Variants in MARK1 observed in about 807,000 individuals in gnomAD.
MARK1 encodes the protein microtubule affinity regulating kinase 1.
In MARK1, 40 loss-of-function variants were observed where a neutral mutation model predicts 96.3. The observed-to-expected ratio is 0.42, with a 90% CI of 0.32 to 0.54. The LOEUF (loss-of-function observed/expected upper bound fraction) is 0.54. Ranked by LOEUF, MARK1 falls within the 20% of genes least tolerant of loss-of-function variation. The pLI is 0.16. For missense variants in MARK1, 719 were observed against 984.6 expected (o/e 0.73, Z 3.61); for synonymous variants, 317 against 341.2 (o/e 0.93, Z 0.78).
At chr1:220,623,157 C>T (rs998395359) in intron 9 of MARK1, among the ~76,000 whole-genome samples, 9 of 151,982 alleles carry the variant, frequency 5.9e-5, no homozygotes, top group African/African-American at 2.2e-4. Flanking sequence ...GTTGGTTGGC[C>T]TAGTTCTTTA....
At chr1:220,581,308 T>G (rs1329764445) in intron 3 of MARK1, among the ~76,000 whole-genome samples, 190 bp downstream of exon 3, 1 of 152,158 alleles carries the variant, frequency 6.6e-6, no homozygotes, top group East Asian at 1.9e-4. Flanking sequence ...ATCTACTACT[T>G]AAATACATGT....
intron 5 of MARK1, 46 bp from the exon 6 acceptor site, chr1:220,604,020 CA>C: frequency 7.9e-7 from 1 of 1,263,892 alleles, no homozygotes. Context: ...TATTGTTAAC[CA>C]AAAATCTATG....
At chr1:220,571,817 G>A (rs1375172203) in intron 1 of MARK1, 1 of 152,058 alleles carries the variant, frequency 6.6e-6, no homozygotes, top group Admixed American at 6.6e-5. Flanking sequence ...TGATCAGCAC[G>A]GGTGTTTTTA....
Position 220,652,020 on chromosome 1 carries a change from G to A in MARK1, c.1606G>A (p.Ala536Thr), listed in dbSNP as rs1294561336. The part of the protein sequence containing the change: ...TEMSVSSISS[A>T]GSSVASAVPS... ...GATGTCTGTGAGTAGCATATCTTCT[G>A]CAGGCTCTTCTGTGGCCTCTGCTGT... Residue 536 changes from alanine to threonine, a missense_variant, in exon 15 of 18, where the codon GCA becomes ACA. Ala to Thr is a moderately conservative substitution (Grantham distance 58). Around this residue, in one of 4 missense-constraint regions of MARK1, gnomAD observed 501 missense variants for 588.3 expected, o/e 0.85. Transcript: ENST00000366917. 1.2e-6 allele frequency: 2 copies of A among 1,610,926 alleles called. No individual in the cohort carries two copies. The highest frequency in any genetic ancestry group is 2.7e-5 in the African/African-American group (2 of 74,840).
intron 1 of MARK1, 41 bp downstream of exon 1, chr1:220,528,914 A>G: frequency 1.3e-6 from 2 of 1,524,492 alleles, no homozygotes; most frequent in Non-Finnish European, 1.8e-6. Flanking sequence ...TGGGGGCGAG[A>G]CCCTCCTCTG....
chr1:220,661,421 AAG>A (rs889815723), intron 17 of MARK1, among the ~76,000 whole-genome samples: 11 of 152,298 alleles, frequency 7.2e-5, no homozygotes, highest in Admixed American at 3.9e-4. Context: ...AGGCAGAAAA[AAG>A]AAATTTTTTA....
chr1:220,636,898 G>GT (rs1003549489), intron 13 of MARK1, among the ~76,000 whole-genome samples: 5 of 144,560 alleles, frequency 3.5e-5, no homozygotes, highest in African/African-American at 1.3e-4. Flanking sequence ...GCGAGACTCC[G>GT]TTTAAAAAAA....
intron 9 of MARK1, among the ~76,000 whole-genome samples, chr1:220,630,522 T>G (rs1667629225): frequency 6.6e-6 from 1 of 152,142 alleles, no homozygotes; most frequent in Non-Finnish European, 1.5e-5. Context: ...AACTCTAGAC[T>G]TAAATTTTGA....
intron 1 of MARK1, among the ~76,000 whole-genome samples, chr1:220,575,843 G>A (rs1382449573): frequency 6.6e-6 from 1 of 150,960 alleles, no homozygotes; most frequent in Non-Finnish European, 1.5e-5. Flanking sequence ...CAGCCTATAG[G>A]CCCATGGGTA....
intron 9 of MARK1, among the ~76,000 whole-genome samples, chr1:220,622,592 A>G (rs1321453922): frequency 1.3e-5 from 2 of 152,176 alleles, no homozygotes; most frequent in Non-Finnish European, 1.5e-5. Flanking sequence ...TCTAAATTCC[A>G]TATTTTTAAA....
At chr1:220,549,597 C>T (rs571096765) in intron 1 of MARK1, among the ~76,000 whole-genome samples, 70 of 152,226 alleles carry the variant, frequency 4.6e-4, no homozygotes, top group African/African-American at 1.6e-3. Flanking sequence ...GTAAGAGGGC[C>T]ACTGTGAAGC....
chr1:220,646,269 G>C (rs1460100789), intron 13 of MARK1, among the ~76,000 whole-genome samples: 2 of 151,934 alleles, frequency 1.3e-5, no homozygotes, highest in African/African-American at 4.8e-5. Flanking sequence ...CCAACAACAG[G>C]CAAGCAGAGA....
intron 13 of MARK1, among the ~76,000 whole-genome samples, chr1:220,636,619 G>A (rs373885647): frequency 1.3e-5 from 2 of 151,956 alleles, no homozygotes; most frequent in South Asian, 2.1e-4. Context: ...AATAAAGAGG[G>A]AAGATTTCAT....
chr1:220,567,464 A>ACC (rs1663135915), intron 1 of MARK1, among the ~76,000 whole-genome samples: 1 of 152,170 alleles, frequency 6.6e-6, no homozygotes, highest in Admixed American at 6.6e-5. Context: ...CAGGAGAGCT[A>ACC]CCAGTTATGT....
chr1:220,615,889 A>T (rs1406790432), intron 6 of MARK1, 50 bp from the exon 7 acceptor site: 1 of 965,004 alleles, frequency 1.0e-6, no homozygotes, highest in Non-Finnish European at 1.6e-6. Flanking sequence ...TATTGGGGAA[A>T]ATTGCGTTTT....
intron 1 of MARK1, among the ~76,000 whole-genome samples, chr1:220,545,445 T>TG (rs1219768633): frequency 4.1e-5 from 6 of 145,330 alleles, no homozygotes; most frequent in South Asian, 2.3e-4. Flanking sequence ...CATGGTTTTT[T>TG]TTTTTTTTTT....
rs1162333948 is a variant in MARK1 at position 220,591,604 on chromosome 1, G to A, written c.310-6727G>A. 2.0e-5 allele frequency among the ~76,000 whole-genome samples: 3 copies of A among 152,226 alleles called. No individual in the cohort carries two copies. The East Asian group carries it at 5.8e-4, about 29-fold the overall frequency. ...GTACAAGTAAAAGCCCTCTTTCATA[G>A]TGCAGTAAGGAGCTGTTAATTGAAA... On this transcript the variant is annotated intron_variant, in intron 3 of 17. Transcript: ENST00000366917.
intron 1 of MARK1, among the ~76,000 whole-genome samples, chr1:220,529,279 C>A (rs575814499): frequency 1.3e-5 from 2 of 152,302 alleles, no homozygotes; most frequent in South Asian, 4.1e-4. Flanking sequence ...CACACTCTTG[C>A]TTTTCTGGAT....
intron 4 of MARK1, among the ~76,000 whole-genome samples, chr1:220,598,586 T>C (rs1178575286): frequency 1.3e-5 from 2 of 151,814 alleles, no homozygotes; most frequent in Non-Finnish European, 2.9e-5. Context: ...TACAGATTGC[T>C]GTTTTCTGCT....
Sources: gnomAD v4.1 joint callset for allele counts (sites outside exome capture counted in the v4.1 genomes callset) on GRCh38, gnomAD v4.1.1 for gene constraint, gnomAD v4.1.1 regional missense constraint, MANE v1.5 for transcripts, NCBI Gene and HGNC (gene_info 2026-07-23, HGNC 2026-07-21) for gene names.